TENM4: variants seen among roughly 807,000 people sequenced by gnomAD.
TENM4 encodes the protein teneurin transmembrane protein 4.
A neutral mutation model predicts 243.3 loss-of-function variants in TENM4; 82 were observed. That is an observed-to-expected ratio of 0.34 (90% CI 0.28 to 0.40). The LOEUF is 0.40. TENM4 is among the 10% of genes least tolerant of loss of function. The pLI, the probability that TENM4 is intolerant of heterozygous loss-of-function variation, is 1.00. For missense variants in TENM4, 3,138 were observed against 3,673.3 expected, an observed-to-expected ratio of 0.85 and a Z score of 3.77; for synonymous variants, 1,412 against 1,456.3, an observed-to-expected ratio of 0.97 and a Z score of 0.69.
intron 2 of TENM4, among the ~76,000 whole-genome samples, chr11:79,249,020 C>T (rs941366571): frequency 2.0e-5 from 3 of 152,218 alleles, no homozygotes; most frequent in African/African-American, 7.2e-5. Context: ...GGTGTTTTCA[C>T]CTGATCTTCA....
At chr11:79,020,604 ATT>A (rs35099815) in intron 6 of TENM4, among the ~76,000 whole-genome samples, 1 of 150,744 alleles carries the variant, frequency 6.6e-6, no homozygotes, top group African/African-American at 2.4e-5. Flanking sequence ...TGTAAATGCA[ATT>A]TTTTTTTTCC....
rs568292381 is a variant in TENM4 at position 79,189,797 on chromosome 11, C to T, written c.-163+26011G>A. ...GAATAATAGAAGAGAGGCCTGAGAG[C>T]GCAACATCAGAAGTTGCCCAGTCCT... On this transcript the variant is annotated intron_variant, in intron 3 of 33. Transcript: ENST00000278550. 5.3e-5 allele frequency among the ~76,000 whole-genome samples: 8 copies of T among 152,314 alleles called. No homozygotes were observed. The South Asian group carries it at 8.3e-4, about 16-fold the overall frequency.
At chr11:78,744,379 G>A (rs1471810982) in intron 19 of TENM4, among the ~76,000 whole-genome samples, 1 of 152,152 alleles carries the variant, frequency 6.6e-6, no homozygotes, top group African/African-American at 2.4e-5. Context: ...TGAAACATTC[G>A]AGTCAGAAGA....
chr11:79,163,494 G>A (rs750424758), intron 3 of TENM4, among the ~76,000 whole-genome samples: 9 of 151,702 alleles, frequency 5.9e-5, no homozygotes, highest in Admixed American at 2.6e-4. Flanking sequence ...CCCATCACCC[G>A]AGCAGTGCAC....
At chr11:78,958,727 G>A (rs915970790) in intron 6 of TENM4, among the ~76,000 whole-genome samples, 1 of 152,202 alleles carries the variant, frequency 6.6e-6, no homozygotes, top group Admixed American at 6.5e-5. Context: ...TCCCGGGAAG[G>A]CTGGCTCCAA....
At chr11:78,966,025 G>C (rs1857431268) in intron 6 of TENM4, among the ~76,000 whole-genome samples, 1 of 152,084 alleles carries the variant, frequency 6.6e-6, no homozygotes, top group Non-Finnish European at 1.5e-5. Context: ...ATGCACTGCT[G>C]TACCAATCCA....
intron 7 of TENM4, among the ~76,000 whole-genome samples, chr11:78,893,402 CAA>C (rs1241499439): frequency 3.9e-5 from 6 of 152,188 alleles, no homozygotes; most frequent in Non-Finnish European, 8.8e-5. Flanking sequence ...TTACAAAACC[CAA>C]AGTGTAATTT....
intron 1 of TENM4, among the ~76,000 whole-genome samples, chr11:79,319,854 G>A (rs756854924): frequency 7.9e-5 from 12 of 152,116 alleles, no homozygotes; most frequent in Non-Finnish European, 1.3e-4. Context: ...AACCTGTCCG[G>A]TCCTGAAGCT....
At chr11:79,302,489 T>C (rs774819244) in intron 1 of TENM4, among the ~76,000 whole-genome samples, 9 of 152,230 alleles carry the variant, frequency 5.9e-5, no homozygotes, top group Non-Finnish European at 1.0e-4. Flanking sequence ...TTATATCTAA[T>C]ATAGTATACC....
intron 1 of TENM4, among the ~76,000 whole-genome samples, chr11:79,345,605 A>G (rs1313108961): frequency 2.0e-5 from 3 of 152,190 alleles, no homozygotes; most frequent in African/African-American, 7.2e-5. Context: ...AGGGGCAAAG[A>G]CTAGGGTTCA....
chr11:79,412,289 G>A (rs1054528309), intron 1 of TENM4, among the ~76,000 whole-genome samples: 6 of 152,248 alleles, frequency 3.9e-5, no homozygotes. Flanking sequence ...GAATGGCAAA[G>A]ATGGCCAGCT....
intron 27 of TENM4, among the ~76,000 whole-genome samples, chr11:78,706,763 C>A (rs935715114): frequency 6.6e-6 from 1 of 152,160 alleles, no homozygotes; most frequent in African/African-American, 2.4e-5. Flanking sequence ...ATTTTCGGCA[C>A]CCTGTGCTGG....
chr11:78,937,671 C>T (rs939530391), intron 6 of TENM4, among the ~76,000 whole-genome samples: 2 of 152,174 alleles, frequency 1.3e-5, no homozygotes, highest in Non-Finnish European at 2.9e-5. Context: ...GTCACTCATG[C>T]AGAAATTCCA....
chr11:78,838,462 G>A (rs1858171738), intron 12 of TENM4, among the ~76,000 whole-genome samples: 1 of 152,106 alleles, frequency 6.6e-6, no homozygotes, highest in East Asian at 1.9e-4. Context: ...TGACTTTAGT[G>A]CTTAAAAGTC....
intron 15 of TENM4, among the ~76,000 whole-genome samples, chr11:78,791,947 C>T (rs948102923): frequency 3.3e-5 from 5 of 152,158 alleles, no homozygotes; most frequent in African/African-American, 9.7e-5. Context: ...ACTAGGAGTA[C>T]ACAAGCCATA....
chr11:78,702,045 C>A lies in TENM4; in HGVS notation c.4568G>T (p.Cys1523Phe), dbSNP rs1859118746. 1 of 1,613,678 alleles carries A rather than the reference C, an allele frequency of 6.2e-7. No homozygotes were observed. Among genetic ancestry groups the A allele is most frequent in the African/African-American group, 1.3e-5 (1 of 74,938 alleles). Residue 1523 changes from cysteine to phenylalanine, a missense_variant, in exon 28 of 34, where the codon TGT becomes TTT. Physicochemically the swap from Cys to Phe is radical, Grantham distance 205. Coordinates refer to ENST00000278550, the MANE Select transcript of TENM4 (RefSeq NM_001098816.3). Reference protein sequence around the residue: ...CDCKNDANCDCFSGDDGYAKD... With the variant: ...CDCKNDANCDFFSGDDGYAKD... Reference sequence around the variant, plus strand: ...GGCATAACCATCGTCTCCAGAAAAACAATCACAGTTGGCATCATTTTTACA... The same window carrying A: ...GGCATAACCATCGTCTCCAGAAAAAAAATCACAGTTGGCATCATTTTTACA...
At chr11:78,969,439 A>G (rs1857498279) in intron 6 of TENM4, among the ~76,000 whole-genome samples, 1 of 152,242 alleles carries the variant, frequency 6.6e-6, no homozygotes. Flanking sequence ...TTGTCCAAGA[A>G]GAACATTCAA....
intron 6 of TENM4, among the ~76,000 whole-genome samples, chr11:78,948,690 G>A (rs1165308310): frequency 6.6e-6 from 1 of 152,118 alleles, no homozygotes; most frequent in Non-Finnish European, 1.5e-5. Context: ...CTTTTTTATA[G>A]CATTTAGAAA....
chr11:79,031,299 A>T (rs577565124), intron 6 of TENM4, among the ~76,000 whole-genome samples: 1 of 152,322 alleles, frequency 6.6e-6, no homozygotes, highest in South Asian at 2.1e-4. Context: ...AATTTTCAGG[A>T]CAGGAGCCCA....
Sources: gnomAD v4.1 joint callset for allele counts (sites outside exome capture counted in the v4.1 genomes callset) on GRCh38, gnomAD v4.1.1 for gene constraint, MANE v1.5 for transcripts, NCBI Gene and HGNC (gene_info 2026-07-23, HGNC 2026-07-21) for gene names.